Variants in RPGRIP1L observed in about 807,000 individuals in gnomAD.
RPGRIP1L encodes protein fantom.
In RPGRIP1L, 131 loss-of-function variants were observed where a neutral mutation model predicts 160.4. That is an observed-to-expected ratio of 0.82 (90% confidence interval 0.71 to 0.94). RPGRIP1L has a LOEUF of 0.94. Among genes scored for constraint, RPGRIP1L ranks in the 40% least tolerant of loss-of-function variants. RPGRIP1L has a pLI of 0.00. For missense variants in RPGRIP1L, 1,522 were observed against 1,535.8 expected (o/e 0.99, Z 0.15); for synonymous variants, 510 against 515.8 (o/e 0.99, Z 0.15).
chr16:53,649,224 A>G, intron 15 of RPGRIP1L, 109 bp from the exon 16 acceptor site: 1 of 864,974 alleles, frequency 1.2e-6, no homozygotes, highest in Non-Finnish European at 1.9e-6. Context: ...TTTTATGCTG[A>G]GTAAAATAAT....
At chr16:53,633,340 C>T (rs139147855) in intron 22 of RPGRIP1L, among the ~76,000 whole-genome samples, 42 of 152,276 alleles carry the variant, frequency 2.8e-4, no homozygotes, top group African/African-American at 1.0e-3. Context: ...TGTATTCCTA[C>T]CAAAATGCAT....
At chr16:53,657,306 G>A in intron 13 of RPGRIP1L, 147 bp downstream of exon 13, 1 of 597,632 alleles carries the variant, frequency 1.7e-6, no homozygotes. Context: ...TAAGTACCTA[G>A]TTATAAGGCT....
At chr16:53,657,414 A>G in intron 13 of RPGRIP1L, 39 bp downstream of exon 13, 2 of 1,347,664 alleles carry the variant, frequency 1.5e-6, no homozygotes, top group Non-Finnish European at 2.1e-6. Flanking sequence ...TCAGAATATT[A>G]TAGAAAACTT....
rs138777811 is a variant in RPGRIP1L, at chr16:53,641,077, C to T, written c.2914G>A (p.Asp972Asn). 157 of 1,613,770 alleles carry T rather than the reference C, an allele frequency of 9.7e-5. No homozygotes were observed. The highest frequency in any genetic ancestry group is 1.3e-4 in the Non-Finnish European group (151 of 1,179,884). The stretch of plus-strand genomic sequence containing the variant: ...ATATCCACGAAAGATACCTTCTTAT[C>T]TACAGGTGTTAAACGTTGTCTTGGT... Reference protein sequence around the residue: ...PKPRQRLTPVDKKVSFVDIMP... With the variant: ...PKPRQRLTPVNKKVSFVDIMP... Residue 972 changes from aspartate to asparagine, a missense_variant, in exon 19 of 27, where the codon GAT becomes AAT. Coordinates refer to ENST00000647211, the MANE Select transcript of RPGRIP1L (RefSeq NM_015272.5).
chr16:53,614,098 A>C (rs1184521043), intron 24 of RPGRIP1L, among the ~76,000 whole-genome samples: 2 of 152,228 alleles, frequency 1.3e-5, no homozygotes, highest in African/African-American at 4.8e-5. Context: ...AAGGGAAGTC[A>C]CCTCATTTTC....
rs550631586 is a variant in RPGRIP1L, at chr16:53,695,162, G to A, written c.230+989C>T. Reference sequence around the variant, plus strand: ...TTCGATTCTTTTACTGACCAATTAGGCTTACAAAGAAAAAAATTGTTAGGT... The same window carrying A: ...TTCGATTCTTTTACTGACCAATTAGACTTACAAAGAAAAAAATTGTTAGGT... On this transcript the variant is annotated intron_variant, in intron 3 of 26. Transcript: ENST00000647211. 9 of 564,142 alleles carry A rather than the reference G, an allele frequency of 1.6e-5. No individual in the cohort carries two copies. The South Asian group carries it at 2.3e-4, about 14-fold the overall frequency. 34.9% of individuals were successfully genotyped at this position (564,142 alleles called of 1,614,324 possible). A position where few individuals can be genotyped will look rare whatever the true frequency, so the allele number is the denominator to read the frequency against.
chr16:53,647,876 C>A (rs893987512), intron 16 of RPGRIP1L, among the ~76,000 whole-genome samples: 1 of 151,876 alleles, frequency 6.6e-6, no homozygotes, highest in Non-Finnish European at 1.5e-5. Flanking sequence ...GAGGCTGAGG[C>A]GGGTGGATCA....
chr16:53,636,617 A>G (rs1356588532), intron 21 of RPGRIP1L, 105 bp from the exon 22 acceptor site: 13 of 764,420 alleles, frequency 1.7e-5, no homozygotes, highest in African/African-American at 3.5e-5. Flanking sequence ...AACCTTAAGA[A>G]ACATGGTAAT....
chr16:53,695,666 C>T (rs1970699325), intron 3 of RPGRIP1L: 1 of 524,404 alleles, frequency 1.9e-6, no homozygotes, highest in Non-Finnish European at 3.4e-6. Context: ...AGTAGAGACT[C>T]TTTGAAATCA....
intron 24 of RPGRIP1L, among the ~76,000 whole-genome samples, chr16:53,614,180 A>G (rs1964218856): frequency 1.3e-5 from 2 of 152,356 alleles, no homozygotes; most frequent in South Asian, 4.1e-4. Flanking sequence ...TCTTGGCAGA[A>G]AACTTTCAAA....
At chr16:53,627,533 C>T (rs1687188557) in intron 22 of RPGRIP1L, among the ~76,000 whole-genome samples, 1 of 152,100 alleles carries the variant, frequency 6.6e-6, no homozygotes, top group African/African-American at 2.4e-5. Context: ...GGTAAAACTA[C>T]CAGCTGCCAA....
At position 53,636,438 on chromosome 16, in the gene RPGRIP1L, CCTGTTTGATATT is replaced by C. The variant is rs1206456951; in HGVS notation, c.3283_3294del (p.Asn1095_Gln1098del). The C allele has an allele frequency of 1.9e-6, 3 of 1,604,116 alleles. No homozygotes were observed. The highest frequency in any genetic ancestry group is 2.6e-6 in the Non-Finnish European group (3 of 1,171,200). ...TTTCTAGTTGGCATCAAGTTACTGACCTGTTTGATATTCTTGGAGATAGGACCTGGAATAATA... is the reference window on the plus strand; with the variant it reads ...TTTCTAGTTGGCATCAAGTTACTGACCTTGGAGATAGGACCTGGAATAATA... On this transcript the variant is annotated inframe_deletion and splice_region_variant, in exon 22 of 27. Transcript: ENST00000647211.
intron 6 of RPGRIP1L, among the ~76,000 whole-genome samples, chr16:53,683,009 G>A (rs1301745569): frequency 2.0e-5 from 3 of 151,874 alleles, no homozygotes; most frequent in Non-Finnish European, 4.4e-5. Context: ...TAGTTTTTTA[G>A]GAATAGAATT....
chr16:53,656,459 G>A lies in RPGRIP1L; in HGVS notation c.1699+13C>T, dbSNP rs1212500499. The A allele has an allele frequency of 3.9e-6, 6 of 1,538,960 alleles. No individual in the cohort carries two copies. Among genetic ancestry groups the A allele is most frequent in the Middle Eastern group, 1.7e-4 (1 of 5,936 alleles). ...TCTAGTTACTGTGGACCAAAAAATC[G>A]TATATGTTGTACCTTCTAGTTTATG... is the stretch of plus-strand genomic sequence containing the variant. On this transcript the variant is annotated intron_variant, in intron 14 of 26. Coordinates refer to ENST00000647211, the MANE Select transcript of RPGRIP1L (RefSeq NM_015272.5).
At chr16:53,605,873 T>C (rs1335290582) in intron 25 of RPGRIP1L, among the ~76,000 whole-genome samples, 2 of 152,238 alleles carry the variant, frequency 1.3e-5, no homozygotes, top group African/African-American at 2.4e-5. Flanking sequence ...AGAAAATTAC[T>C]AGGCAAAGAG....
intron 2 of RPGRIP1L, among the ~76,000 whole-genome samples, chr16:53,697,031 T>C (rs1970820801): frequency 1.3e-5 from 2 of 151,948 alleles, no homozygotes. Flanking sequence ...CCGTCTCTAC[T>C]AAAAATACGA....
chr16:53,685,848 C>T (rs1445683870), intron 6 of RPGRIP1L, among the ~76,000 whole-genome samples: 1 of 152,130 alleles, frequency 6.6e-6, no homozygotes, highest in East Asian at 1.9e-4. Context: ...ACATCCTGTA[C>T]ATGTACCCCT....
chr16:53,643,300 T>G lies in RPGRIP1L; in HGVS notation c.2684-1825A>C, dbSNP rs549562269. On this transcript the variant is annotated intron_variant, in intron 17 of 26. Transcript: ENST00000647211. Reference sequence around the variant, plus strand: ...TCCAGCCTGGGCGACAGAGCAAGACTCCATCTAAAAAAAAAAAAAAAAAAG... The same window carrying G: ...TCCAGCCTGGGCGACAGAGCAAGACGCCATCTAAAAAAAAAAAAAAAAAAG... 2.4e-4 allele frequency among the ~76,000 whole-genome samples: 33 copies of G among 137,074 alleles called. No individual in the cohort carries two copies. The East Asian group carries it at 7.0e-3, about 29-fold the overall frequency. 89.9% of individuals were successfully genotyped at this position (137,074 alleles called of 152,430 possible).
chr16:53,700,960 G>A (rs1326144480), intron 1 of RPGRIP1L, among the ~76,000 whole-genome samples: 1 of 152,134 alleles, frequency 6.6e-6, no homozygotes, highest in African/African-American at 2.4e-5. Context: ...CTTAGGAAAT[G>A]AAGTAAGATT....
Sources: gnomAD v4.1 joint callset for allele counts (sites outside exome capture counted in the v4.1 genomes callset) on GRCh38, gnomAD v4.1.1 for gene constraint, MANE v1.5 for transcripts, NCBI Gene and HGNC (gene_info 2026-07-23, HGNC 2026-07-21) for gene names.